Variants in MARCHF1 observed in about 807,000 individuals in gnomAD.
MARCHF1 encodes the protein E3 ubiquitin-protein ligase MARCHF1.
In MARCHF1, 40 loss-of-function variants were observed where a neutral mutation model predicts 54.2. The observed-to-expected ratio is 0.74, with a 90% confidence interval of 0.57 to 0.96. MARCHF1 has a LOEUF of 0.96. Ranked by LOEUF, MARCHF1 falls within the 40% of genes least tolerant of loss-of-function variation. The pLI, the probability that MARCHF1 is intolerant of heterozygous loss-of-function variation, is 0.00. For missense variants in MARCHF1, 586 were observed against 656.5 expected, an observed-to-expected ratio of 0.89 and a Z score of 1.17; for synonymous variants, 236 against 236.3, an observed-to-expected ratio of 1.00 and a Z score of 0.01.
chr4:163,860,101 T>C (rs2111188060), intron 3 of MARCHF1, among the ~76,000 whole-genome samples: 1 of 152,244 alleles, frequency 6.6e-6, no homozygotes, highest in South Asian at 2.1e-4. Context: ...ATTAGAGAAT[T>C]GAAGTTGCAG....
intron 4 of MARCHF1, among the ~76,000 whole-genome samples, chr4:163,798,446 C>A (rs374967237): frequency 6.6e-6 from 1 of 152,130 alleles, no homozygotes; most frequent in East Asian, 1.9e-4. Flanking sequence ...AGAGCATTAT[C>A]AACATAATGT....
At chr4:163,762,706 G>T (rs1194058285) in intron 4 of MARCHF1, among the ~76,000 whole-genome samples, 3 of 151,988 alleles carry the variant, frequency 2.0e-5, no homozygotes, top group African/African-American at 7.2e-5. Flanking sequence ...TTTACATAAT[G>T]TATCTATGAT....
At chr4:163,608,171 C>T (rs1046589641) in intron 7 of MARCHF1, among the ~76,000 whole-genome samples, 1 of 152,014 alleles carries the variant, frequency 6.6e-6, no homozygotes, top group Non-Finnish European at 1.5e-5. Flanking sequence ...TATATTTTAG[C>T]AATTAAAAGT....
At chr4:163,621,234 C>T (rs1198353802) in intron 5 of MARCHF1, among the ~76,000 whole-genome samples, 2 of 152,120 alleles carry the variant, frequency 1.3e-5, no homozygotes, top group Non-Finnish European at 2.9e-5. Context: ...CAATGGTATT[C>T]TCCTGTTCAG....
At chr4:164,231,835 A>T (rs968195539) in intron 1 of MARCHF1, among the ~76,000 whole-genome samples, 2 of 152,128 alleles carry the variant, frequency 1.3e-5, no homozygotes, top group African/African-American at 4.8e-5. Context: ...TGACAGAAAA[A>T]TAAGTTCTTA....
chr4:164,361,981 G>A (rs976341709), intron 1 of MARCHF1, among the ~76,000 whole-genome samples: 8 of 151,862 alleles, frequency 5.3e-5, no homozygotes, highest in African/African-American at 1.9e-4. Flanking sequence ...TATGCATTTG[G>A]GGATACACTT....
chr4:163,890,287 G>C (rs1197903589), intron 3 of MARCHF1, among the ~76,000 whole-genome samples: 1 of 152,056 alleles, frequency 6.6e-6, no homozygotes, highest in Non-Finnish European at 1.5e-5. Flanking sequence ...CTGATGTTTT[G>C]TGCCAAAATT....
chr4:164,107,195 G>A (rs772736782), intron 2 of MARCHF1, among the ~76,000 whole-genome samples: 11 of 152,116 alleles, frequency 7.2e-5, no homozygotes, highest in Non-Finnish European at 1.0e-4. Context: ...TCCCTAGTTA[G>A]TGCCATTTGT....
intron 3 of MARCHF1, among the ~76,000 whole-genome samples, chr4:163,957,168 AAAT>A (rs1752248148): frequency 9.6e-6 from 1 of 104,518 alleles, no homozygotes; most frequent in African/African-American, 2.7e-5. Flanking sequence ...TTTTCTTTGA[AAAT>A]ATTATAGCTA....
chr4:163,674,663 T>C (rs1262352911), intron 5 of MARCHF1, among the ~76,000 whole-genome samples: 3 of 152,036 alleles, frequency 2.0e-5, no homozygotes, highest in Admixed American at 6.6e-5. Flanking sequence ...GGCTCACAAA[T>C]CAGACACTAG....
intron 5 of MARCHF1, among the ~76,000 whole-genome samples, chr4:163,698,455 TG>T: frequency 6.6e-6 from 1 of 152,360 alleles, no homozygotes; most frequent in Non-Finnish European, 1.5e-5. Context: ...GGTAAACTCA[TG>T]TGCACTGAAA....
rs1738188180 is a variant in MARCHF1, at chr4:163,527,909, T to TTTA, written c.*836_*838dup. Reference sequence around the variant, plus strand: ...CAAAATTCATTTTAACAAACAAACATTTATTTTTACTTTTTAAAATAGGGC... The same window carrying TTTA: ...CAAAATTCATTTTAACAAACAAACATTTATTATTTTTACTTTTTAAAATAGGGC... On this transcript the variant is annotated 3_prime_UTR_variant, in exon 10 of 10. Transcript: ENST00000514618. The TTTA allele has an allele frequency of 6.6e-6, 1 of 152,280 alleles. No homozygotes were observed. Among genetic ancestry groups the TTTA allele is most frequent in the African/African-American group, 2.4e-5 (1 of 41,424 alleles). The allele number at this position is 152,280 out of a possible 1,614,324, so 9.4% of individuals were successfully genotyped here.
chr4:164,181,163 C>T (rs1289718189), intron 1 of MARCHF1, among the ~76,000 whole-genome samples: 2 of 152,062 alleles, frequency 1.3e-5, no homozygotes, highest in Non-Finnish European at 2.9e-5. Flanking sequence ...CTCCTCATAC[C>T]CACCAACCTT....
chr4:163,815,100 G>A (rs1748497375), intron 4 of MARCHF1, among the ~76,000 whole-genome samples: 1 of 152,018 alleles, frequency 6.6e-6, no homozygotes, highest in Admixed American at 6.6e-5. Context: ...ATACAAGTTG[G>A]CATTCTACCT....
At chr4:164,341,409 T>C (rs948848651) in intron 1 of MARCHF1, among the ~76,000 whole-genome samples, 3 of 152,066 alleles carry the variant, frequency 2.0e-5, no homozygotes, top group Admixed American at 1.3e-4. Context: ...GCCAGAGCAA[T>C]TAGACAAGAA....
At chr4:164,152,262 G>T (rs889542261) in intron 1 of MARCHF1, among the ~76,000 whole-genome samples, 8 of 152,086 alleles carry the variant, frequency 5.3e-5, no homozygotes, top group African/African-American at 1.4e-4. Flanking sequence ...AGCTAAGATG[G>T]TATCATAATT....
In MARCHF1 at chr4:164,105,635, A is replaced by G. The variant is rs1755674958; in HGVS notation, c.-248+5953T>C. 3.1e-5 allele frequency among the ~76,000 whole-genome samples: 3 copies of G among 96,536 alleles called. No homozygotes were observed. The South Asian group carries it at 9.7e-4, about 31-fold the overall frequency. 63.3% of individuals were successfully genotyped at this position (96,536 alleles called of 152,430 possible). A position where few individuals can be genotyped will look rare whatever the true frequency, so the allele number is the denominator to read the frequency against. On this transcript the variant is annotated intron_variant, in intron 2 of 9. Transcript: ENST00000514618. ...CAATTCAAGATGGATTAAAGACTTA[A>G]ACGTTAGACCTAAAACCATAAAAAC...
intron 1 of MARCHF1, among the ~76,000 whole-genome samples, chr4:164,265,241 T>C (rs1332882869): frequency 6.6e-6 from 1 of 152,162 alleles, no homozygotes; most frequent in East Asian, 1.9e-4. Context: ...TATTAAGTAA[T>C]GTCTTAGTAG....
At chr4:163,634,673 C>G (rs577583341) in intron 5 of MARCHF1, among the ~76,000 whole-genome samples, 1 of 152,016 alleles carries the variant, frequency 6.6e-6, no homozygotes, top group Admixed American at 6.6e-5. Flanking sequence ...CCACTGTCAA[C>G]ATTAGACAGA....
Sources: gnomAD v4.1 joint callset for allele counts (sites outside exome capture counted in the v4.1 genomes callset) on GRCh38, gnomAD v4.1.1 for gene constraint, MANE v1.5 for transcripts, NCBI Gene and HGNC (gene_info 2026-07-23, HGNC 2026-07-21) for gene names.